Variants in AK7 observed in about 807,000 individuals in gnomAD.
AK7 encodes the protein adenylate kinase 7.
In AK7, 78 loss-of-function variants were observed where a neutral mutation model predicts 96.6. The ratio of observed to expected loss-of-function variants is 0.81; its 90% CI spans 0.67 to 0.97. AK7 has a LOEUF of 0.97. Ranked by LOEUF, AK7 falls within the 50% of genes least tolerant of loss-of-function variation. The pLI is 0.00. For missense variants in AK7, 855 were observed against 887.9 expected (o/e 0.96, Z 0.47); for synonymous variants, 302 against 317.2 (o/e 0.95, Z 0.51).
intron 15 of AK7, among the ~76,000 whole-genome samples, chr14:96,480,033 G>A (rs1033114684): frequency 2.6e-5 from 4 of 152,160 alleles, no homozygotes; most frequent in Middle Eastern, 3.2e-3. Context: ...TGTTACAAAC[G>A]GTAGAGATGA....
At chr14:96,437,412 C>T (rs916445200) in intron 5 of AK7, among the ~76,000 whole-genome samples, 15 of 152,130 alleles carry the variant, frequency 9.9e-5, no homozygotes, top group African/African-American at 3.6e-4. Flanking sequence ...GCCTAAACTG[C>T]TTGTCCAGAG....
chr14:96,435,828 G>A (rs1015521781), intron 5 of AK7, among the ~76,000 whole-genome samples: 25 of 152,176 alleles, frequency 1.6e-4, no homozygotes, highest in Admixed American at 1.6e-3. Context: ...ACAGGACAGT[G>A]CTGAGTTCAA....
Position 96,488,469 on chromosome 14 carries a change from A to G in AK7, c.*126A>G, listed in dbSNP as rs1399755231. On this transcript the variant is annotated 3_prime_UTR_variant, in exon 18 of 18. Coordinates refer to ENST00000267584, the MANE Select transcript of AK7 (RefSeq NM_152327.5). ...TTCTTTTTTTGTAGACAAATATTCT[A>G]TAAACTAGAATCTCTATTAAAAGCT... 2.8e-6 allele frequency: 2 copies of G among 716,216 alleles called. No homozygotes were observed. Among genetic ancestry groups the G allele is most frequent in the Admixed American group, 2.9e-5 (1 of 34,384 alleles). 44.4% of individuals were successfully genotyped at this position (716,216 alleles called of 1,614,324 possible).
intron 2 of AK7, chr14:96,398,683 A>C (rs1489260725): frequency 5.1e-6 from 1 of 196,944 alleles, no homozygotes; most frequent in Non-Finnish European, 1.1e-5. Flanking sequence ...GGGGTTCGAG[A>C]CCAGCCTGGG....
At chr14:96,439,656 T>G (rs1273595365) in intron 6 of AK7, among the ~76,000 whole-genome samples, 1 of 108,070 alleles carries the variant, frequency 9.3e-6, no homozygotes, top group East Asian at 2.9e-4. Context: ...AGAGCGAGAC[T>G]CCATCTCAAA....
At chr14:96,431,984 T>C (rs1414291951) in intron 5 of AK7, among the ~76,000 whole-genome samples, 1 of 152,230 alleles carries the variant, frequency 6.6e-6, no homozygotes, top group East Asian at 1.9e-4. Context: ...GCTCTTCTTG[T>C]TGAATTGATC....
intron 8 of AK7, among the ~76,000 whole-genome samples, chr14:96,448,965 C>T (rs117431946): frequency 3.5e-3 from 496 of 143,420 alleles, no homozygotes; most frequent in Admixed American, 5.9e-3. Context: ...CAAAAACAAA[C>T]AAACAAAAAA....
intron 8 of AK7, among the ~76,000 whole-genome samples, 159 bp from the exon 9 acceptor site, chr14:96,449,643 A>AGGT (rs1024341243): frequency 1.3e-5 from 2 of 152,216 alleles, no homozygotes; most frequent in Non-Finnish European, 2.9e-5. Flanking sequence ...CATGTCAGCC[A>AGGT]GGTTGGTCTC....
chr14:96,474,723 T>C (rs1895083653), intron 14 of AK7, among the ~76,000 whole-genome samples: 1 of 152,228 alleles, frequency 6.6e-6, no homozygotes, highest in Non-Finnish European at 1.5e-5. Flanking sequence ...GTGCATTTTG[T>C]TTATCACTTC....
chr14:96,427,222 G>T (rs1001849904), intron 5 of AK7, among the ~76,000 whole-genome samples: 2 of 152,158 alleles, frequency 1.3e-5, no homozygotes, highest in Non-Finnish European at 2.9e-5. Context: ...TCCAGCCTGG[G>T]CAACAAGAGC....
At position 96,458,130 on chromosome 14, in the gene AK7, C is replaced by A; in HGVS notation, c.1275C>A (p.Val425=). The A allele has an allele frequency of 6.2e-7, 1 of 1,613,388 alleles. No individual in the cohort carries two copies. ...ATGTAGGGGAAGGAGAAGAAGAAGT[C>A]GAAGAGGAAGAGGAGGAGGAGAATG... is the stretch of plus-strand genomic sequence containing the variant. ...PNDVGEGEEE[V]EEEEEEENVE... The change falls in exon 12 of 18, where the codon GTC becomes GTA. Residue 425 remains valine (V), a synonymous_variant. Transcript: ENST00000267584.
intron 4 of AK7, among the ~76,000 whole-genome samples, chr14:96,410,536 T>C (rs1282325741): frequency 1.3e-5 from 2 of 152,210 alleles, no homozygotes; most frequent in African/African-American, 4.8e-5. Context: ...CTAGTAAGCC[T>C]CCTACACTGA....
At chr14:96,437,728 A>G (rs1595412857) in intron 5 of AK7, 107 bp from the exon 6 acceptor site, 1 of 734,112 alleles carries the variant, frequency 1.4e-6, no homozygotes, top group Non-Finnish European at 2.2e-6. Flanking sequence ...AACCTGCAAG[A>G]GTTGACGGAA....
At chr14:96,447,916 A>G (rs1435267485) in intron 8 of AK7, among the ~76,000 whole-genome samples, 3 of 151,984 alleles carry the variant, frequency 2.0e-5, no homozygotes, top group African/African-American at 4.8e-5. Context: ...ATTCATTTTT[A>G]AGATTCAGCT....
chr14:96,419,061 G>A (rs1305117469), intron 4 of AK7, among the ~76,000 whole-genome samples: 1 of 152,200 alleles, frequency 6.6e-6, no homozygotes, highest in Non-Finnish European at 1.5e-5. Flanking sequence ...ATTCCAGTAG[G>A]TTTTAACATA....
Position 96,478,453 on chromosome 14 carries a change from CCTT to C in AK7, c.1556-9_1556-7del, listed in dbSNP as rs776362168. ...GTATTGTGCCAACTCTGGAGTCTGT[CCTT>C]CTCCCCAGAATTCGTTTGTGCACTG... is the stretch of plus-strand genomic sequence containing the variant. On this transcript the variant is annotated splice_polypyrimidine_tract_variant and intron_variant, in intron 14 of 17. Coordinates refer to ENST00000267584, the MANE Select transcript of AK7 (RefSeq NM_152327.5). 4 of 1,613,846 alleles carry C rather than the reference CCTT, an allele frequency of 2.5e-6. No homozygotes were observed. Among genetic ancestry groups the C allele is most frequent in the East Asian group, 2.2e-5 (1 of 44,878 alleles).
chr14:96,445,607 C>T (rs1472813185), intron 7 of AK7, among the ~76,000 whole-genome samples: 1 of 152,052 alleles, frequency 6.6e-6, no homozygotes, highest in Non-Finnish European at 1.5e-5. Context: ...CTGCAGTGAA[C>T]CGTGATAACA....
intron 6 of AK7, among the ~76,000 whole-genome samples, chr14:96,441,055 G>A (rs958575978): frequency 7.2e-5 from 11 of 152,172 alleles, no homozygotes; most frequent in Admixed American, 3.3e-4. Flanking sequence ...ATTCTTTTGA[G>A]TCTTTGATCA....
intron 13 of AK7, 89 bp from the exon 14 acceptor site, chr14:96,472,598 C>G: frequency 1.1e-6 from 1 of 937,832 alleles, no homozygotes; most frequent in Non-Finnish European, 1.7e-6. Context: ...TTCATTAGTG[C>G]TTGCTACTTA....
Sources: allele counts gnomAD v4.1 joint callset (sites outside exome capture counted in the v4.1 genomes callset), GRCh38; gene constraint gnomAD v4.1.1; transcripts MANE v1.5; gene names NCBI Gene and HGNC (gene_info 2026-07-23, HGNC 2026-07-21).